ADGRL3: variants seen among roughly 807,000 people sequenced by gnomAD.
ADGRL3 encodes the protein calcium-independent alpha-latrotoxin receptor 3.
A neutral mutation model predicts 153.5 loss-of-function variants in ADGRL3; 62 were observed. The ratio of observed to expected loss-of-function variants is 0.40; its 90% CI spans 0.33 to 0.50. ADGRL3 has a LOEUF of 0.50. ADGRL3 is among the 20% of genes least tolerant of loss of function. The pLI is 0.47. For missense variants in ADGRL3, 1,641 were observed against 1,859.4 expected (o/e 0.88, Z 2.16); for synonymous variants, 710 against 672.5 (o/e 1.06, Z -0.86).
intron 6 of ADGRL3, among the ~76,000 whole-genome samples, chr4:61,703,627 T>C (rs958266099): frequency 3.3e-5 from 5 of 152,038 alleles, no homozygotes; most frequent in East Asian, 1.9e-4. Flanking sequence ...AAAAGATTCA[T>C]TTATAAGAGA....
chr4:61,641,376 G>A (rs1246408709), intron 5 of ADGRL3, among the ~76,000 whole-genome samples: 6 of 151,336 alleles, frequency 4.0e-5, no homozygotes, highest in South Asian at 2.1e-4. Flanking sequence ...ATGCTGGTGC[G>A]CTGCACCCAC....
intron 1 of ADGRL3, among the ~76,000 whole-genome samples, chr4:61,302,273 T>C (rs963653713): frequency 6.6e-6 from 1 of 151,980 alleles, no homozygotes; most frequent in African/African-American, 2.4e-5. Flanking sequence ...GGGGGAACAA[T>C]AAGACGAGAC....
At chr4:61,376,078 A>T (rs917123384) in intron 1 of ADGRL3, among the ~76,000 whole-genome samples, 1 of 152,122 alleles carries the variant, frequency 6.6e-6, no homozygotes, top group Non-Finnish European at 1.5e-5. Flanking sequence ...AATTATTGTT[A>T]TATTTTCATT....
intron 2 of ADGRL3, among the ~76,000 whole-genome samples, chr4:61,421,741 T>C (rs1452077381): frequency 2.0e-5 from 3 of 152,142 alleles, no homozygotes; most frequent in African/African-American, 7.2e-5. Flanking sequence ...AAAGGTATAT[T>C]AGGGACTTTA....
intron 2 of ADGRL3, among the ~76,000 whole-genome samples, chr4:61,476,596 C>T (rs1166608319): frequency 6.6e-6 from 1 of 150,926 alleles, no homozygotes; most frequent in East Asian, 2.0e-4. Context: ...GTGATCCCAG[C>T]TACTTGGGAG....
chr4:61,690,252 C>T (rs1220793141), intron 6 of ADGRL3, among the ~76,000 whole-genome samples: 3 of 151,930 alleles, frequency 2.0e-5, no homozygotes, highest in Non-Finnish European at 4.4e-5. Context: ...CAAGACCATC[C>T]TTGGTAACAT....
intron 2 of ADGRL3, among the ~76,000 whole-genome samples, chr4:61,397,492 C>A (rs139140708): frequency 1.1e-3 from 172 of 151,986 alleles, no homozygotes; most frequent in African/African-American, 4.0e-3. Flanking sequence ...TCCTTCAGGA[C>A]CCACTTTATT....
At chr4:61,547,614 T>G (rs945812044) in intron 4 of ADGRL3, among the ~76,000 whole-genome samples, 6 of 152,142 alleles carry the variant, frequency 3.9e-5, no homozygotes, top group African/African-American at 1.4e-4. Context: ...GGCTGCATAG[T>G]TTTCCATGGT....
At chr4:61,751,562 A>G (rs13132632) in intron 8 of ADGRL3, among the ~76,000 whole-genome samples, 88,167 of 151,964 alleles carry the variant, frequency 0.58, 28,010 homozygotes, top group African/African-American at 0.83. Flanking sequence ...GCATACAGAA[A>G]ATAGTGATAT....
chr4:61,518,487 A>G (rs2152906785), intron 4 of ADGRL3, among the ~76,000 whole-genome samples: 1 of 152,350 alleles, frequency 6.6e-6, no homozygotes, highest in Middle Eastern at 3.4e-3. Flanking sequence ...CTCTGGTAAA[A>G]TAAGTTGGAA....
chr4:61,835,734 A>T (rs576930626), intron 9 of ADGRL3, among the ~76,000 whole-genome samples: 1 of 151,670 alleles, frequency 6.6e-6, no homozygotes, highest in South Asian at 2.1e-4. Context: ...GGGGGGAAAA[A>T]ACCTCAGTAA....
intron 1 of ADGRL3, among the ~76,000 whole-genome samples, chr4:61,373,102 A>G (rs1214585080): frequency 6.6e-6 from 1 of 152,034 alleles, no homozygotes; most frequent in Non-Finnish European, 1.5e-5. Flanking sequence ...CAGGGTGCGC[A>G]CACTCACTGA....
chr4:61,871,041 G>A (rs1042627542), intron 9 of ADGRL3, among the ~76,000 whole-genome samples: 7 of 152,170 alleles, frequency 4.6e-5, no homozygotes, highest in Non-Finnish European at 8.8e-5. Flanking sequence ...CTCTTTGGGA[G>A]GCCAAGGCGG....
chr4:61,649,617 C>T (rs1206899182), intron 5 of ADGRL3, among the ~76,000 whole-genome samples: 2 of 152,096 alleles, frequency 1.3e-5, no homozygotes, highest in Admixed American at 6.6e-5. Context: ...CACAAAACCT[C>T]CTCTGGGCTA....
At chr4:61,392,020 C>A (rs1281412273) in intron 2 of ADGRL3, among the ~76,000 whole-genome samples, 1 of 122,780 alleles carries the variant, frequency 8.1e-6, no homozygotes, top group Non-Finnish European at 1.8e-5. Flanking sequence ...CCACCACGAC[C>A]GGCTAATTTT....
rs188043331 is a variant in ADGRL3 at position 61,755,695 on chromosome 4, G to A, written c.1399+22141G>A. Among the ~76,000 whole-genome samples the A allele has an allele frequency of 3.1e-3, 478 of 152,158 alleles. 2 individuals are homozygous for A. The highest frequency in any genetic ancestry group is 6.8e-3 in the Middle Eastern group (2 of 294). On this transcript the variant is annotated intron_variant, in intron 8 of 26. Transcript: ENST00000683033. Reference sequence around the variant, plus strand: ...TGTTTTAGACATGAAGTCCTTGCCCGTGCCTATATCTTGAGTGGTATTGTC... The same window carrying A: ...TGTTTTAGACATGAAGTCCTTGCCCATGCCTATATCTTGAGTGGTATTGTC...
At chr4:61,434,430 G>A (rs1404763190) in intron 2 of ADGRL3, among the ~76,000 whole-genome samples, 1 of 151,958 alleles carries the variant, frequency 6.6e-6, no homozygotes, top group African/African-American at 2.4e-5. Context: ...CATATGTTAT[G>A]TATACATATA....
intron 1 of ADGRL3, among the ~76,000 whole-genome samples, chr4:61,287,741 G>A (rs1006101396): frequency 6.6e-6 from 1 of 151,922 alleles, no homozygotes; most frequent in South Asian, 2.1e-4. Flanking sequence ...TAATCCATCT[G>A]GAGTGCCATG....
At position 62,031,450 on chromosome 4, in the gene ADGRL3, T is replaced by C. The variant is rs1156383637; in HGVS notation, c.3431T>C (p.Val1144Ala). ...EDNRPFIKSW[V>A]IGAIALLCLL... is the part of the protein sequence containing the mutation. The stretch of plus-strand genomic sequence containing the variant: ...TTCTCTTCTCTCTACAGGTCATGGG[T>C]TATAGGTGCAATAGCTCTTCTCTGC... The change falls in exon 23 of 27, where the codon GTT becomes GCT. Residue 1144 changes from valine to alanine, a missense_variant. Transcript: ENST00000683033. The C allele has an allele frequency of 1.2e-6, 2 of 1,608,876 alleles. No individual in the cohort carries two copies. Among genetic ancestry groups the C allele is most frequent in the South Asian group, 1.1e-5 (1 of 90,710 alleles).
Sources: allele counts gnomAD v4.1 joint callset (sites outside exome capture counted in the v4.1 genomes callset), GRCh38; gene constraint gnomAD v4.1.1; transcripts MANE v1.5; gene names NCBI Gene and HGNC (gene_info 2026-07-23, HGNC 2026-07-21).